Variants in ADAM12 observed in about 807,000 individuals in gnomAD.
ADAM12 encodes the protein disintegrin and metalloproteinase domain-containing protein 12.
Under a neutral mutation model 106.4 loss-of-function variants are expected in ADAM12, and 70 were observed. The ratio of observed to expected loss-of-function variants is 0.66; its 90% CI spans 0.54 to 0.80. The LOEUF is 0.80. Among genes scored for constraint, ADAM12 ranks in the 30% least tolerant of loss-of-function variants. The probability of loss-of-function intolerance (pLI) is 0.00; values close to 1 mark genes in which losing one functional copy is unlikely to be tolerated. For missense variants in ADAM12, 1,010 were observed against 1,171.9 expected, an observed-to-expected ratio of 0.86 and a Z score of 2.02; for synonymous variants, 420 against 433.5, an observed-to-expected ratio of 0.97 and a Z score of 0.39.
chr10:126,290,937 T>C lies in ADAM12; in HGVS notation c.187-11949A>G, dbSNP rs540433500. On this transcript the variant is annotated intron_variant, in intron 2 of 22. Transcript: ENST00000448723. ...GAATGTACTTCATTTTGGTGTAGAA[T>C]GTTTTAAGCTAATACTTTCTAATGT... 3.9e-5 allele frequency among the ~76,000 whole-genome samples: 6 copies of C among 152,348 alleles called. No individual in the cohort carries two copies. The East Asian group carries it at 9.6e-4, about 24-fold the overall frequency.
At chr10:126,103,330 C>T (rs1168168799) in intron 8 of ADAM12, among the ~76,000 whole-genome samples, 3 of 152,144 alleles carry the variant, frequency 2.0e-5, no homozygotes, top group Non-Finnish European at 4.4e-5. Flanking sequence ...TTGCTGCCTG[C>T]TCTAAAAGTT....
intron 10 of ADAM12, among the ~76,000 whole-genome samples, chr10:126,097,554 A>G (rs1221554557): frequency 1.3e-5 from 2 of 152,168 alleles, no homozygotes; most frequent in Admixed American, 6.5e-5. Flanking sequence ...ACATTCACAC[A>G]TGTTCTGTTT....
At chr10:126,384,290 G>A (rs1468307569) in intron 1 of ADAM12, among the ~76,000 whole-genome samples, 1 of 152,030 alleles carries the variant, frequency 6.6e-6, no homozygotes, top group Non-Finnish European at 1.5e-5. Context: ...ATGTTTTTTT[G>A]TTATTTGCAG....
chr10:126,058,174 T>C (rs940850676), intron 14 of ADAM12, among the ~76,000 whole-genome samples: 1 of 152,204 alleles, frequency 6.6e-6, no homozygotes, highest in Non-Finnish European at 1.5e-5. Flanking sequence ...GTTGTCTTCC[T>C]CTTGTATTTA....
At chr10:126,242,176 T>C (rs937323212) in intron 3 of ADAM12, among the ~76,000 whole-genome samples, 2 of 152,232 alleles carry the variant, frequency 1.3e-5, no homozygotes, top group Admixed American at 6.5e-5. Flanking sequence ...GTGATTTATC[T>C]TCATTTGTGA....
In ADAM12 at chr10:126,043,175, G is replaced by A. The variant is rs758724310; in HGVS notation, c.1996-27C>T. On this transcript the variant is annotated intron_variant, in intron 17 of 22. Coordinates refer to ENST00000448723, the MANE Select transcript of ADAM12 (RefSeq NM_001288973.2). The surrounding 1 kb of genome is among the most constrained non-coding windows in gnomAD (Gnocchi z 4.1). Reference sequence around the variant, plus strand: ...TTTCAGGGCAGAGGGGAGGGACGTGGGGTTAGGGCATATGCTCTGTGCATC... The same window carrying A: ...TTTCAGGGCAGAGGGGAGGGACGTGAGGTTAGGGCATATGCTCTGTGCATC... 6.2e-7 allele frequency: 1 copy of A among 1,606,786 alleles called. No individual in the cohort carries two copies.
At position 126,066,865 on chromosome 10, in the gene ADAM12, G is replaced by T. The variant is rs1954881778; in HGVS notation, c.1324-59C>A. The T allele has an allele frequency of 6.7e-7, 1 of 1,503,732 alleles. No individual in the cohort carries two copies. Among genetic ancestry groups the T allele is most frequent in the Non-Finnish European group, 9.2e-7 (1 of 1,084,022 alleles). The allele number at this position is 1,503,732 out of a possible 1,614,324, so 93.1% of individuals were successfully genotyped here. On this transcript the variant is annotated intron_variant, in intron 12 of 22. Transcript: ENST00000448723. The surrounding 1 kb of genome is among the most constrained non-coding windows in gnomAD (Gnocchi z 5.1). ...CTTATGGAGTATGCACTCACTGAAT[G>T]CAAACATCACACCTTAAATGGCTGC...
chr10:126,153,829 G>A (rs1956769597), intron 4 of ADAM12, among the ~76,000 whole-genome samples: 1 of 152,168 alleles, frequency 6.6e-6, no homozygotes, highest in African/African-American at 2.4e-5. Flanking sequence ...GACCAGTTTT[G>A]AGGTCAATAT....
At chr10:126,256,944 G>A (rs1958904554) in intron 3 of ADAM12, among the ~76,000 whole-genome samples, 1 of 152,034 alleles carries the variant, frequency 6.6e-6, no homozygotes, top group Non-Finnish European at 1.5e-5. Context: ...TGATGATGAT[G>A]GAGGGACTTC....
chr10:126,245,646 G>T (rs1026938598), intron 3 of ADAM12, among the ~76,000 whole-genome samples: 2 of 152,204 alleles, frequency 1.3e-5, no homozygotes, highest in South Asian at 4.1e-4. Context: ...TTAGGAGGAA[G>T]GAAAGGCAGT....
At position 126,113,722 on chromosome 10, in the gene ADAM12, ATATATAT is replaced by A. The variant is rs1565067824; in HGVS notation, c.604-3889_604-3883del. 1.7e-3 allele frequency among the ~76,000 whole-genome samples: 87 copies of A among 50,104 alleles called. 5 individuals are homozygous for A. In the East Asian group the frequency reaches 0.039, roughly 23 times the overall value. 32.9% of individuals were successfully genotyped at this position (50,104 alleles called of 152,430 possible). On this transcript the variant is annotated intron_variant, in intron 6 of 22. Coordinates refer to ENST00000448723, the MANE Select transcript of ADAM12 (RefSeq NM_001288973.2). ...TATATATATATATATATATATATAT[ATATATAT>A]ATAATATATTGCTCTGGCTACTGGA...
At chr10:126,092,511 G>A (rs1341659656) in intron 11 of ADAM12, among the ~76,000 whole-genome samples, 1 of 152,212 alleles carries the variant, frequency 6.6e-6, no homozygotes, top group African/African-American at 2.4e-5. Flanking sequence ...TTAGTGACTA[G>A]GAACATATTA....
chr10:126,260,554 G>T (rs978069928), intron 3 of ADAM12, among the ~76,000 whole-genome samples: 1 of 61,360 alleles, frequency 1.6e-5, no homozygotes, highest in Non-Finnish European at 4.5e-5. Context: ...AGGCAAGCAG[G>T]TCCCTCATTC....
chr10:126,350,356 C>T (rs1407643761), intron 1 of ADAM12, among the ~76,000 whole-genome samples: 1 of 152,178 alleles, frequency 6.6e-6, no homozygotes, highest in African/African-American at 2.4e-5. Flanking sequence ...GAGAAACTCT[C>T]CTCTTGAAAA....
At chr10:126,079,588 C>T (rs1175686439) in intron 11 of ADAM12, among the ~76,000 whole-genome samples, 1 of 152,128 alleles carries the variant, frequency 6.6e-6, no homozygotes, top group Non-Finnish European at 1.5e-5. Context: ...TGTTAATGAT[C>T]CAGGTGATTT....
intron 3 of ADAM12, among the ~76,000 whole-genome samples, chr10:126,251,885 A>ATAGG (rs1565168728): frequency 1.4e-5 from 1 of 69,118 alleles, no homozygotes; most frequent in African/African-American, 5.3e-5. Flanking sequence ...GGATGGATGC[A>ATAGG]ATGGATGGAT....
At chr10:126,383,369 T>C (rs1185313795) in intron 1 of ADAM12, among the ~76,000 whole-genome samples, 1 of 152,030 alleles carries the variant, frequency 6.6e-6, no homozygotes, top group Non-Finnish European at 1.5e-5. Context: ...TTAAAGGATG[T>C]TTTCAGGAGG....
chr10:126,353,008 C>T (rs1590816198), intron 1 of ADAM12, among the ~76,000 whole-genome samples: 1 of 152,202 alleles, frequency 6.6e-6, no homozygotes, highest in South Asian at 2.1e-4. Flanking sequence ...GCTGTGGGTG[C>T]ATCCTCACTG....
intron 4 of ADAM12, among the ~76,000 whole-genome samples, chr10:126,143,641 A>G (rs963042936): frequency 6.7e-6 from 1 of 149,974 alleles, no homozygotes; most frequent in African/African-American, 2.5e-5. Flanking sequence ...GTATACACGT[A>G]TGTGTGTATA....
Sources: gnomAD v4.1 joint callset for allele counts (sites outside exome capture counted in the v4.1 genomes callset) on GRCh38, gnomAD v4.1.1 for gene constraint, Gnocchi (gnomAD v3.1) non-coding constraint, MANE v1.5 for transcripts, NCBI Gene and HGNC (gene_info 2026-07-23, HGNC 2026-07-21) for gene names.